Variants in UNC5D observed in about 807,000 individuals in gnomAD.
The protein encoded by UNC5D is netrin receptor UNC5D.
In UNC5D, 39 loss-of-function variants were observed where a neutral mutation model predicts 105.4. The ratio of observed to expected loss-of-function variants is 0.37; its 90% CI spans 0.29 to 0.48. The LOEUF is 0.48. Among genes scored for constraint, UNC5D ranks in the 20% least tolerant of loss-of-function variants. The pLI is 0.98. For missense variants in UNC5D, 991 were observed against 1,202.4 expected (o/e 0.82, Z 2.60); for synonymous variants, 452 against 450.4 (o/e 1.00, Z -0.04).
chr8:35,304,583 C>T (rs1445080340), intron 1 of UNC5D, among the ~76,000 whole-genome samples: 2 of 151,846 alleles, frequency 1.3e-5, no homozygotes, highest in Non-Finnish European at 2.9e-5. Flanking sequence ...CGTGTGTATG[C>T]GTGCATGTGT....
At chr8:35,743,022 T>C (rs1829838274) in intron 11 of UNC5D, among the ~76,000 whole-genome samples, 1 of 152,162 alleles carries the variant, frequency 6.6e-6, no homozygotes. Context: ...GAATAAGTTA[T>C]TTAGTGGTGA....
chr8:35,607,937 A>G (rs1316879066), intron 4 of UNC5D, among the ~76,000 whole-genome samples: 2 of 152,180 alleles, frequency 1.3e-5, no homozygotes, highest in African/African-American at 4.8e-5. Flanking sequence ...CACCGATTGC[A>G]GCTTCACATG....
intron 1 of UNC5D, among the ~76,000 whole-genome samples, chr8:35,455,695 G>A (rs1234929918): frequency 1.3e-5 from 2 of 151,606 alleles, no homozygotes; most frequent in African/African-American, 2.4e-5. Flanking sequence ...AAAACAAAGA[G>A]CTGTAATGGA....
chr8:35,483,470 TAGCA>T (rs1810630318), intron 1 of UNC5D, among the ~76,000 whole-genome samples: 2 of 152,230 alleles, frequency 1.3e-5, no homozygotes, highest in Non-Finnish European at 2.9e-5. Flanking sequence ...CATACATTGC[TAGCA>T]AGCAAGTCTT....
chr8:35,452,106 T>C (rs1470336061), intron 1 of UNC5D, among the ~76,000 whole-genome samples: 2 of 152,192 alleles, frequency 1.3e-5, no homozygotes, highest in African/African-American at 2.4e-5. Flanking sequence ...GCTCAGTTCC[T>C]GGCACACAGT....
intron 1 of UNC5D, among the ~76,000 whole-genome samples, chr8:35,270,608 G>A (rs1329334351): frequency 1.3e-5 from 2 of 151,988 alleles, no homozygotes; most frequent in African/African-American, 2.4e-5. Context: ...TGTCATTATC[G>A]TTATAGTCAT....
chr8:35,681,187 G>A (rs1481512151), intron 4 of UNC5D, among the ~76,000 whole-genome samples: 3 of 152,176 alleles, frequency 2.0e-5, no homozygotes, highest in Non-Finnish European at 2.9e-5. Context: ...AAAGATCATG[G>A]CAGGGCAGGG....
chr8:35,763,626 C>T (rs561354199), intron 14 of UNC5D, among the ~76,000 whole-genome samples: 1 of 152,270 alleles, frequency 6.6e-6, no homozygotes, highest in East Asian at 1.9e-4. Flanking sequence ...AAGCCTCCTA[C>T]TTAGCTTAGC....
At chr8:35,283,679 C>T (rs1048038849) in intron 1 of UNC5D, among the ~76,000 whole-genome samples, 1 of 152,044 alleles carries the variant, frequency 6.6e-6, no homozygotes. Flanking sequence ...TGGCACACAC[C>T]TGTAATCCCA....
chr8:35,237,863 T>C (rs1802570913), intron 1 of UNC5D, among the ~76,000 whole-genome samples: 1 of 152,172 alleles, frequency 6.6e-6, no homozygotes, highest in African/African-American at 2.4e-5. Flanking sequence ...CACATGCACC[T>C]GGCTTTGCAC....
chr8:35,264,920 T>C (rs964953812), intron 1 of UNC5D, among the ~76,000 whole-genome samples: 3 of 152,160 alleles, frequency 2.0e-5, no homozygotes, highest in African/African-American at 7.2e-5. Flanking sequence ...CCTCTAGTCT[T>C]CACTGATCTG....
chr8:35,696,072 C>A (rs995550684), intron 7 of UNC5D, among the ~76,000 whole-genome samples: 25 of 152,152 alleles, frequency 1.6e-4, no homozygotes, highest in African/African-American at 5.3e-4. Context: ...TTCAAAAATT[C>A]TTTCTCAATG....
chr8:35,497,043 A>T (rs1288585313), intron 1 of UNC5D, among the ~76,000 whole-genome samples: 1 of 152,174 alleles, frequency 6.6e-6, no homozygotes, highest in Non-Finnish European at 1.5e-5. Flanking sequence ...CTTTTATATG[A>T]CCCAGAAGCC....
chr8:35,442,435 A>T (rs1042818557), intron 1 of UNC5D, among the ~76,000 whole-genome samples: 3 of 151,866 alleles, frequency 2.0e-5, no homozygotes, highest in African/African-American at 7.2e-5. Flanking sequence ...TAGAGGCATG[A>T]GGTAAGAGTC....
chr8:35,324,443 C>G (rs1040400585), intron 1 of UNC5D, among the ~76,000 whole-genome samples: 1 of 151,740 alleles, frequency 6.6e-6, no homozygotes, highest in African/African-American at 2.4e-5. Flanking sequence ...TGTTTTTGTG[C>G]TTTTTGAGTA....
At chr8:35,414,317 A>C (rs1416335784) in intron 1 of UNC5D, among the ~76,000 whole-genome samples, 1 of 152,122 alleles carries the variant, frequency 6.6e-6, no homozygotes, top group Non-Finnish European at 1.5e-5. Flanking sequence ...TAGTTGTCCT[A>C]AAGTTTCAAA....
chr8:35,340,440 A>G (rs1811380287), intron 1 of UNC5D, among the ~76,000 whole-genome samples: 1 of 152,196 alleles, frequency 6.6e-6, no homozygotes, highest in Non-Finnish European at 1.5e-5. Flanking sequence ...TAACTGCCTT[A>G]CTTGGAATAT....
chr8:35,511,421 C>G (rs550961381), intron 1 of UNC5D, among the ~76,000 whole-genome samples: 1 of 149,104 alleles, frequency 6.7e-6, no homozygotes, highest in Non-Finnish European at 1.5e-5. Flanking sequence ...ATCTCTTGAG[C>G]CCAGGAATTC....
intron 1 of UNC5D, among the ~76,000 whole-genome samples, chr8:35,415,330 T>C (rs1805458678): frequency 6.6e-6 from 1 of 152,170 alleles, no homozygotes; most frequent in Admixed American, 6.6e-5. Flanking sequence ...GCATTCAAAA[T>C]TAAATTTCCA....
Sources: gnomAD v4.1 joint callset for allele counts (sites outside exome capture counted in the v4.1 genomes callset) on GRCh38, gnomAD v4.1.1 for gene constraint, MANE v1.5 for transcripts, NCBI Gene and HGNC (gene_info 2026-07-23, HGNC 2026-07-21) for gene names.